HS6ST3: variants seen among roughly 807,000 people sequenced by gnomAD.
The protein encoded by HS6ST3 is heparan-sulfate 6-O-sulfotransferase 3.
HS6ST3 carries 12 observed loss-of-function variants against 36.7 expected under a neutral mutation model. That is an observed-to-expected ratio of 0.33 (90% confidence interval 0.21 to 0.53). HS6ST3 has a LOEUF of 0.53. Ranked by LOEUF, HS6ST3 falls within the 20% of genes least tolerant of loss-of-function variation. The probability of loss-of-function intolerance (pLI) is 0.95; values close to 1 mark genes in which losing one functional copy is unlikely to be tolerated. For synonymous variants in HS6ST3, 240 were observed against 257.5 expected, an observed-to-expected ratio of 0.93 and a Z score of 0.65; for missense variants, 584 against 640.9, an observed-to-expected ratio of 0.91 and a Z score of 0.96.
At chr13:96,789,747 C>T (rs866527395) in intron 1 of HS6ST3, among the ~76,000 whole-genome samples, 6 of 122,060 alleles carry the variant, frequency 4.9e-5, no homozygotes, top group African/African-American at 7.2e-5. Flanking sequence ...GCCTCCTGGC[C>T]TCTGTGGTTT....
Position 96,341,134 on chromosome 13 carries a change from T to C in HS6ST3, c.707+249565T>C, listed in dbSNP as rs7317333. Among the ~76,000 whole-genome samples the C allele has an allele frequency of 6.2e-3, 938 of 152,346 alleles. 12 individuals are homozygous for C. The highest frequency in any genetic ancestry group is 0.021 in the African/African-American group (864 of 41,590). ...CAAATGGAGAAGAGAAAATGCCATG[T>C]ATTGCTTTTAAAGACATTTACAGTG... On this transcript the variant is annotated intron_variant, in intron 1 of 1. Transcript: ENST00000376705.
At chr13:96,633,621 T>A (rs2056539393) in intron 1 of HS6ST3, among the ~76,000 whole-genome samples, 1 of 152,188 alleles carries the variant, frequency 6.6e-6, no homozygotes, top group East Asian at 1.9e-4. Context: ...ATGTTTCCAA[T>A]GTTCATCAAT....
chr13:96,123,441 G>A (rs768872736), intron 1 of HS6ST3, among the ~76,000 whole-genome samples: 41 of 152,164 alleles, frequency 2.7e-4, no homozygotes, highest in Non-Finnish European at 5.1e-4. Context: ...TGGACAAATG[G>A]TATTATGAAT....
At chr13:96,648,663 C>T (rs548822052) in intron 1 of HS6ST3, among the ~76,000 whole-genome samples, 6 of 151,968 alleles carry the variant, frequency 3.9e-5, no homozygotes, top group South Asian at 2.1e-4. Flanking sequence ...CCCATGCCCC[C>T]ACAACAGGCC....
intron 1 of HS6ST3, among the ~76,000 whole-genome samples, chr13:96,479,170 C>T (rs1474576251): frequency 1.3e-5 from 2 of 152,172 alleles, no homozygotes; most frequent in Non-Finnish European, 2.9e-5. Context: ...GCACTCAATT[C>T]AGCCTTAAGA....
chr13:96,143,784 C>G (rs1056353922), intron 1 of HS6ST3, among the ~76,000 whole-genome samples: 1 of 152,108 alleles, frequency 6.6e-6, no homozygotes, highest in African/African-American at 2.4e-5. Context: ...TTTTCTTTCT[C>G]TGGCTACTGT....
intron 1 of HS6ST3, among the ~76,000 whole-genome samples, chr13:96,746,622 A>C (rs1473594592): frequency 6.6e-6 from 1 of 152,130 alleles, no homozygotes; most frequent in Non-Finnish European, 1.5e-5. Flanking sequence ...TGAAATCATG[A>C]AGCATAATTA....
intron 1 of HS6ST3, among the ~76,000 whole-genome samples, chr13:96,310,382 G>A (rs2139408794): frequency 6.6e-6 from 1 of 152,194 alleles, no homozygotes; most frequent in East Asian, 1.9e-4. Flanking sequence ...TCTATCCTTT[G>A]CTTAAGAGTC....
chr13:96,127,478 G>A (rs896317973), intron 1 of HS6ST3, among the ~76,000 whole-genome samples: 1 of 152,210 alleles, frequency 6.6e-6, no homozygotes, highest in African/African-American at 2.4e-5. Context: ...AGCTCAGGTG[G>A]TGTTGCTCGC....
chr13:96,138,144 T>G (rs2054011714), intron 1 of HS6ST3, among the ~76,000 whole-genome samples: 1 of 152,176 alleles, frequency 6.6e-6, no homozygotes, highest in African/African-American at 2.4e-5. Flanking sequence ...AATTTAAAAG[T>G]AATTTACAAA....
At chr13:96,821,331 C>A (rs1174448861) in intron 1 of HS6ST3, among the ~76,000 whole-genome samples, 1 of 152,186 alleles carries the variant, frequency 6.6e-6, no homozygotes, top group East Asian at 1.9e-4. Flanking sequence ...CTGTGATGTT[C>A]ATTTTGCATC....
chr13:96,663,559 T>G (rs1161864047), intron 1 of HS6ST3, among the ~76,000 whole-genome samples: 8 of 152,182 alleles, frequency 5.3e-5, no homozygotes, highest in Non-Finnish European at 1.0e-4. Flanking sequence ...AATGGGAATA[T>G]GCAATGCTAC....
intron 1 of HS6ST3, among the ~76,000 whole-genome samples, chr13:96,308,466 T>C (rs1024376608): frequency 6.6e-6 from 1 of 152,114 alleles, no homozygotes; most frequent in Non-Finnish European, 1.5e-5. Flanking sequence ...ATAGTGGTCA[T>C]TAAAATAATC....
intron 1 of HS6ST3, among the ~76,000 whole-genome samples, chr13:96,561,027 T>G (rs1168742950): frequency 6.6e-6 from 1 of 152,036 alleles, no homozygotes; most frequent in Non-Finnish European, 1.5e-5. Context: ...TTCACAGAAC[T>G]GGAAAAAAAA....
intron 1 of HS6ST3, among the ~76,000 whole-genome samples, chr13:96,464,486 C>T (rs910114023): frequency 6.6e-6 from 1 of 152,108 alleles, no homozygotes; most frequent in African/African-American, 2.4e-5. Context: ...TAAAATACCA[C>T]TTTCAATGTA....
intron 1 of HS6ST3, among the ~76,000 whole-genome samples, chr13:96,597,348 A>C (rs1044020630): frequency 6.6e-6 from 1 of 151,878 alleles, no homozygotes; most frequent in African/African-American, 2.4e-5. Flanking sequence ...ATAAAAGTTA[A>C]AGAAAAAAAA....
At chr13:96,805,164 C>A (rs377203308) in intron 1 of HS6ST3, among the ~76,000 whole-genome samples, 1 of 152,116 alleles carries the variant, frequency 6.6e-6, no homozygotes, top group Admixed American at 6.5e-5. Flanking sequence ...GGCTCTATGT[C>A]CCCACCCAAA....
chr13:96,160,543 A>T (rs1379881994), intron 1 of HS6ST3, among the ~76,000 whole-genome samples: 4 of 152,156 alleles, frequency 2.6e-5, no homozygotes, highest in Non-Finnish European at 4.4e-5. Context: ...GTGTCTACAG[A>T]GGTAGTGATT....
At chr13:96,164,677 A>T (rs1489084730) in intron 1 of HS6ST3, among the ~76,000 whole-genome samples, 1 of 152,188 alleles carries the variant, frequency 6.6e-6, no homozygotes, top group Non-Finnish European at 1.5e-5. Flanking sequence ...CCTTTGCCCT[A>T]GGATTAGAAA....
Sources: allele counts gnomAD v4.1 joint callset (sites outside exome capture counted in the v4.1 genomes callset), GRCh38; gene constraint gnomAD v4.1.1; transcripts MANE v1.5; gene names NCBI Gene and HGNC (gene_info 2026-07-23, HGNC 2026-07-21).